SLCO6A1: variants seen among roughly 807,000 people sequenced by gnomAD.
SLCO6A1 encodes cancer/testis antigen 48.
In SLCO6A1, 65 loss-of-function variants were observed where a neutral mutation model predicts 72.7. The ratio of observed to expected loss-of-function variants is 0.89; its 90% CI spans 0.73 to 1.10. The LOEUF (loss-of-function observed/expected upper bound fraction) is 1.10. SLCO6A1 is among the 50% of genes least tolerant of loss of function. SLCO6A1 has a pLI of 0.00. For missense variants in SLCO6A1, 874 were observed against 872.6 expected (o/e 1.00, Z -0.02); for synonymous variants, 314 against 298.2 (o/e 1.05, Z -0.55).
rs777575272 is a variant in SLCO6A1 at position 102,388,845 on chromosome 5, T to G, written c.1880-20A>C. 6.3e-7 allele frequency: 1 copy of G among 1,584,810 alleles called. No homozygotes were observed. The highest frequency in any genetic ancestry group is 8.5e-7 in the Non-Finnish European group (1 of 1,171,190). On this transcript the variant is annotated intron_variant, in intron 11 of 13. Coordinates refer to ENST00000506729, the MANE Select transcript of SLCO6A1 (RefSeq NM_173488.5). ...TAGTCCCTATGAAAAATGCAATGAT[T>G]GTAAATTCTTTGTGAAAACACTATT...
At chr5:102,491,527 G>A (rs116828956) in intron 1 of SLCO6A1, among the ~76,000 whole-genome samples, 8 of 152,216 alleles carry the variant, frequency 5.3e-5, no homozygotes, top group East Asian at 3.9e-4. Context: ...GGTCCCGAGC[G>A]CTGCCCCACA....
chr5:102,376,967 C>T (rs1745830296), intron 12 of SLCO6A1, among the ~76,000 whole-genome samples: 1 of 152,066 alleles, frequency 6.6e-6, no homozygotes, highest in Admixed American at 6.6e-5. Context: ...AGTTCAAGAT[C>T]AGCCTGGGCA....
At chr5:102,410,145 C>T (rs1747893977) in intron 9 of SLCO6A1, among the ~76,000 whole-genome samples, 1 of 152,124 alleles carries the variant, frequency 6.6e-6, no homozygotes. Flanking sequence ...TACAACAGCT[C>T]AAAGGAGAAC....
intron 4 of SLCO6A1, among the ~76,000 whole-genome samples, chr5:102,462,996 T>C (rs1408805629): frequency 1.3e-5 from 2 of 151,984 alleles, no homozygotes; most frequent in Admixed American, 6.6e-5. Context: ...ACCCACAGTG[T>C]GGGAGAAAAT....
intron 1 of SLCO6A1, among the ~76,000 whole-genome samples, chr5:102,491,619 C>T (rs573474790): frequency 1.3e-5 from 2 of 152,368 alleles, no homozygotes; most frequent in African/African-American, 4.8e-5. Flanking sequence ...CTGGGGCCTG[C>T]GGGTGGCCCG....
intron 6 of SLCO6A1, among the ~76,000 whole-genome samples, chr5:102,455,027 T>TATATATATATATAA (rs144619414): frequency 1.4e-5 from 2 of 141,828 alleles, no homozygotes; most frequent in South Asian, 2.1e-4. Context: ...TATATATATA[T>TATATATATATATAA]AAATTATGTT....
At chr5:102,486,402 G>A (rs766611014) in intron 1 of SLCO6A1, among the ~76,000 whole-genome samples, 2 of 152,040 alleles carry the variant, frequency 1.3e-5, no homozygotes, top group African/African-American at 4.8e-5. Flanking sequence ...TATTTTAGAA[G>A]TATGGTGATT....
At chr5:102,409,096 T>C (rs928991590) in intron 9 of SLCO6A1, among the ~76,000 whole-genome samples, 1 of 152,122 alleles carries the variant, frequency 6.6e-6, no homozygotes, top group Non-Finnish European at 1.5e-5. Context: ...ATAAAGAAAT[T>C]TGAAGATCTT....
At chr5:102,452,837 G>C (rs1481102554) in intron 6 of SLCO6A1, among the ~76,000 whole-genome samples, 1 of 152,104 alleles carries the variant, frequency 6.6e-6, no homozygotes, top group East Asian at 1.9e-4. Flanking sequence ...TATAATGATG[G>C]TGACATATGA....
chr5:102,373,301 TATTTC>T lies in SLCO6A1; in HGVS notation c.*15+31_*15+35del, dbSNP rs570726381. On this transcript the variant is annotated intron_variant, in intron 13 of 13. Transcript: ENST00000506729. The stretch of plus-strand genomic sequence containing the variant: ...TTACTTTAAATTTTATTAATATTAA[TATTTC>T]ATTGATAGATTGACAATGTGTAATT... 336 of 1,325,454 alleles carry T rather than the reference TATTTC, an allele frequency of 2.5e-4. 2 individuals are homozygous for T. The South Asian group carries it at 6.1e-3, about 24-fold the overall frequency. The allele number at this position is 1,325,454 out of a possible 1,614,324, so 82.1% of individuals were successfully genotyped here.
At chr5:102,474,875 A>G (rs1487555845) in intron 4 of SLCO6A1, among the ~76,000 whole-genome samples, 1 of 151,974 alleles carries the variant, frequency 6.6e-6, no homozygotes, top group Non-Finnish European at 1.5e-5. Context: ...CCTTGGATCC[A>G]TTAGGATGGT....
intron 9 of SLCO6A1, among the ~76,000 whole-genome samples, chr5:102,404,047 A>G (rs1481434353): frequency 6.6e-6 from 1 of 152,256 alleles, no homozygotes; most frequent in Non-Finnish European, 1.5e-5. Context: ...CATTCCTATA[A>G]CTTGCCAATT....
At chr5:102,490,780 T>C (rs1251179572) in intron 1 of SLCO6A1, among the ~76,000 whole-genome samples, 1 of 152,060 alleles carries the variant, frequency 6.6e-6, no homozygotes, top group Non-Finnish European at 1.5e-5. Context: ...TCTCGCTGGC[T>C]TCAGGAGTGA....
At chr5:102,432,250 G>A (rs1401248758) in intron 7 of SLCO6A1, among the ~76,000 whole-genome samples, 1 of 152,058 alleles carries the variant, frequency 6.6e-6, no homozygotes, top group African/African-American at 2.4e-5. Flanking sequence ...GGTTACTATT[G>A]CTATATGTGG....
chr5:102,455,186 C>T (rs1183047523), intron 6 of SLCO6A1, among the ~76,000 whole-genome samples: 1 of 151,522 alleles, frequency 6.6e-6, no homozygotes, highest in Non-Finnish European at 1.5e-5. Context: ...AAATACAGGA[C>T]TATAAAATTA....
At chr5:102,480,947 C>A (rs1580509245) in intron 1 of SLCO6A1, among the ~76,000 whole-genome samples, 1 of 145,188 alleles carries the variant, frequency 6.9e-6, no homozygotes, top group South Asian at 2.2e-4. Context: ...TGTCCTTAGA[C>A]AATATCAAGT....
chr5:102,421,576 T>C (rs1748608295), intron 7 of SLCO6A1, among the ~76,000 whole-genome samples: 1 of 152,124 alleles, frequency 6.6e-6, no homozygotes, highest in Admixed American at 6.5e-5. Context: ...TCTTGATTCC[T>C]CCTCACTGGG....
intron 1 of SLCO6A1, among the ~76,000 whole-genome samples, chr5:102,488,313 A>G (rs1012478254): frequency 2.0e-5 from 3 of 152,216 alleles, no homozygotes; most frequent in Admixed American, 6.5e-5. Context: ...ATATCAGGTG[A>G]GCAAAAATCA....
chr5:102,477,598 A>G (rs1751969007), intron 3 of SLCO6A1, 78 bp downstream of exon 3: 3 of 1,194,856 alleles, frequency 2.5e-6, no homozygotes, highest in South Asian at 3.1e-5. Context: ...TAGTACTTCT[A>G]TATCAGCTTA....
Sources: gnomAD v4.1 joint callset for allele counts (sites outside exome capture counted in the v4.1 genomes callset) on GRCh38, gnomAD v4.1.1 for gene constraint, MANE v1.5 for transcripts, NCBI Gene and HGNC (gene_info 2026-07-23, HGNC 2026-07-21) for gene names.